The following CERS3 variants were observed in gnomAD, a reference collection of about 807,000 sequenced individuals.
The protein encoded by CERS3 is ceramide synthase 3.
Under a neutral mutation model 50.3 loss-of-function variants are expected in CERS3, and 33 were observed. The observed-to-expected ratio is 0.66, with a 90% CI of 0.50 to 0.88. The LOEUF (loss-of-function observed/expected upper bound fraction) is 0.88. CERS3 is among the 40% of genes least tolerant of loss of function. CERS3 has a pLI of 0.00. For missense variants in CERS3, 470 were observed against 460.3 expected, an observed-to-expected ratio of 1.02 and a Z score of -0.19; for synonymous variants, 176 against 155.2, an observed-to-expected ratio of 1.13 and a Z score of -0.99.
At chr15:100,519,174 C>T (rs1030927888) in intron 2 of CERS3, among the ~76,000 whole-genome samples, 1 of 151,190 alleles carries the variant, frequency 6.6e-6, no homozygotes, top group Non-Finnish European at 1.5e-5. Flanking sequence ...AAAAAAAAAT[C>T]CGCCAAAAAA....
chr15:100,474,883 G>T (rs191399429), intron 8 of CERS3, among the ~76,000 whole-genome samples: 1 of 152,148 alleles, frequency 6.6e-6, no homozygotes, highest in African/African-American at 2.4e-5. Context: ...TGACTCCAGG[G>T]CCTGTGCTTT....
chr15:100,424,101 T>C (rs1262161441), intron 11 of CERS3, among the ~76,000 whole-genome samples: 2 of 152,066 alleles, frequency 1.3e-5, no homozygotes, highest in Non-Finnish European at 1.5e-5. Context: ...ACCACCATGC[T>C]CAGCTAATTT....
intron 11 of CERS3, among the ~76,000 whole-genome samples, chr15:100,432,295 G>C (rs2033176546): frequency 6.6e-6 from 1 of 152,116 alleles, no homozygotes; most frequent in South Asian, 2.1e-4. Flanking sequence ...CAAATGTCAG[G>C]CTTTCCCATT....
chr15:100,444,957 G>C (rs11247203), intron 11 of CERS3, among the ~76,000 whole-genome samples: 68,930 of 151,026 alleles, frequency 0.46, 16,507 homozygotes, highest in Non-Finnish European at 0.54. Context: ...CAGGTTCTTA[G>C]TATTCAGTGA....
chr15:100,460,334 T>C (rs534270074), intron 10 of CERS3, among the ~76,000 whole-genome samples: 80 of 152,200 alleles, frequency 5.3e-4, no homozygotes, highest in Non-Finnish European at 5.4e-4. Context: ...CCTACTAAAG[T>C]GCTACCTGAC....
At chr15:100,442,208 A>G (rs1447927914) in intron 11 of CERS3, among the ~76,000 whole-genome samples, 1 of 151,842 alleles carries the variant, frequency 6.6e-6, no homozygotes, top group East Asian at 1.9e-4. Flanking sequence ...CCAGTTCATG[A>G]CTCGTTTGGC....
chr15:100,494,235 A>G lies in CERS3; in HGVS notation c.174-3304T>C, dbSNP rs531822399. On this transcript the variant is annotated intron_variant, in intron 3 of 11. Transcript: ENST00000679737. Reference sequence around the variant, plus strand: ...CATATATATATATATATATATATATATATATATATATATATATATATATTT... The same window carrying G: ...CATATATATATATATATATATATATGTATATATATATATATATATATATTT... Among the ~76,000 whole-genome samples the G allele has an allele frequency of 1.2e-3, 59 of 51,264 alleles. 2 individuals carry two copies. In the South Asian group the frequency reaches 0.043, roughly 37 times the overall value. The allele number at this position is 51,264 out of a possible 152,430, so 33.6% of individuals were successfully genotyped here.
intron 7 of CERS3, among the ~76,000 whole-genome samples, chr15:100,477,170 G>GT (rs1260259010): frequency 6.6e-6 from 1 of 152,194 alleles, no homozygotes; most frequent in African/African-American, 2.4e-5. Context: ...AAGGCACTAA[G>GT]TTTTGGGGAT....
At chr15:100,460,098 A>C (rs186367866) in intron 10 of CERS3, among the ~76,000 whole-genome samples, 1 of 152,318 alleles carries the variant, frequency 6.6e-6, no homozygotes, top group Admixed American at 6.5e-5. Context: ...GTAATTAAAA[A>C]AATTTTTAAA....
chr15:100,441,884 G>A (rs1037413062), intron 11 of CERS3, among the ~76,000 whole-genome samples: 2 of 151,424 alleles, frequency 1.3e-5, no homozygotes, highest in African/African-American at 4.9e-5. Context: ...CCAACCCCAA[G>A]CGTCGCTGAG....
intron 2 of CERS3, among the ~76,000 whole-genome samples, chr15:100,519,587 T>C (rs1262692927): frequency 6.6e-6 from 1 of 152,148 alleles, no homozygotes; most frequent in Non-Finnish European, 1.5e-5. Flanking sequence ...GTCCTCTTGT[T>C]TGGGGAGAGG....
intron 11 of CERS3, among the ~76,000 whole-genome samples, chr15:100,431,450 G>GT (rs915532457): frequency 9.9e-5 from 15 of 151,314 alleles, no homozygotes; most frequent in East Asian, 5.8e-4. Context: ...ATTTTTATCA[G>GT]TTTTTTTTTC....
chr15:100,508,833 G>A (rs1395124456), intron 2 of CERS3, among the ~76,000 whole-genome samples: 3 of 151,878 alleles, frequency 2.0e-5, no homozygotes, highest in Non-Finnish European at 4.4e-5. Context: ...AGCTACTCAA[G>A]GCCCCTTTTT....
chr15:100,404,669 C>T (rs1021897334), intron 11 of CERS3, among the ~76,000 whole-genome samples: 6 of 152,102 alleles, frequency 3.9e-5, no homozygotes, highest in Non-Finnish European at 8.8e-5. Context: ...ATAGCTAAAG[C>T]AATTCTGAAA....
At position 100,435,164 on chromosome 15, in the gene CERS3, C is replaced by T. The variant is rs186790230; in HGVS notation, c.999+20729G>A. ...CCTGCTGGCCAAACGACTTGGGTAG[C>T]CCAGCACCTCCAAAGAACTAGTATT... is the stretch of plus-strand genomic sequence containing the variant. On this transcript the variant is annotated intron_variant, in intron 11 of 11. Transcript: ENST00000679737. Among the ~76,000 whole-genome samples the T allele has an allele frequency of 3.9e-5, 6 of 152,308 alleles. No homozygotes were observed. In the East Asian group the frequency reaches 9.6e-4, roughly 24 times the overall value.
intron 11 of CERS3, among the ~76,000 whole-genome samples, chr15:100,406,453 A>G (rs2031031167): frequency 1.3e-5 from 2 of 152,206 alleles, no homozygotes; most frequent in African/African-American, 4.8e-5. Context: ...TGGCTTTTGA[A>G]AAACCAAAGT....
intron 2 of CERS3, among the ~76,000 whole-genome samples, chr15:100,507,449 C>T (rs1019890978): frequency 6.6e-6 from 1 of 152,242 alleles, no homozygotes; most frequent in Non-Finnish European, 1.5e-5. Flanking sequence ...CTAATCCTCT[C>T]TGCTACTTCA....
rs1211413448 is a variant in CERS3 at position 100,484,621 on chromosome 15, C to T, written c.336G>A (p.Gln112=). ...LAKKCNLTER[Q]VERWFRSRRN... ...GCCGACTCCTAAACCATCTTTCCACCTGGCGCTCCGTCAAGTTACACTTCT... is the reference window on the plus strand; with the variant it reads ...GCCGACTCCTAAACCATCTTTCCACTTGGCGCTCCGTCAAGTTACACTTCT... Residue 112 remains glutamine (Q), a synonymous_variant, in exon 5 of 12, where the codon CAG becomes CAA. Coordinates refer to ENST00000679737, the MANE Select transcript of CERS3 (RefSeq NM_001378789.1). 11 of 1,614,074 alleles carry T rather than the reference C, an allele frequency of 6.8e-6. No homozygotes were observed. Among genetic ancestry groups the T allele is most frequent in the African/African-American group, 1.3e-5 (1 of 74,918 alleles).
At chr15:100,499,922 T>A (rs1412637422) in intron 3 of CERS3, among the ~76,000 whole-genome samples, 1 of 152,194 alleles carries the variant, frequency 6.6e-6, no homozygotes, top group African/African-American at 2.4e-5. Context: ...CCCTTACATG[T>A]TAACTGTGTG....
Sources: gnomAD v4.1 joint callset for allele counts (sites outside exome capture counted in the v4.1 genomes callset) on GRCh38, gnomAD v4.1.1 for gene constraint, MANE v1.5 for transcripts, NCBI Gene and HGNC (gene_info 2026-07-23, HGNC 2026-07-21) for gene names.